The following RBM17 variants were observed in gnomAD, a reference collection of about 807,000 sequenced individuals.
The protein encoded by RBM17 is splicing factor 45.
A neutral mutation model predicts 53.2 loss-of-function variants in RBM17; 7 were observed. That is an observed-to-expected ratio of 0.13 (90% CI 0.07 to 0.25). The LOEUF is 0.25. Ranked by LOEUF, RBM17 falls within the 10% of genes least tolerant of loss-of-function variation. The probability of loss-of-function intolerance (pLI) is 1.00; values close to 1 mark genes in which losing one functional copy is unlikely to be tolerated. For missense variants in RBM17, 257 were observed against 496.7 expected, an observed-to-expected ratio of 0.52 and a Z score of 4.59; for synonymous variants, 167 against 178.1, an observed-to-expected ratio of 0.94 and a Z score of 0.50.
intron 2 of RBM17, among the ~76,000 whole-genome samples, chr10:6,098,505 GAATTAATATT>G (rs1442443461): frequency 2.8e-5 from 4 of 142,558 alleles, no homozygotes; most frequent in Non-Finnish European, 6.0e-5. Context: ...AGAGACTTAA[GAATTAATATT>G]AATCTCTAAT....
At chr10:6,095,482 G>A (rs1840558181) in intron 1 of RBM17, among the ~76,000 whole-genome samples, 1 of 152,130 alleles carries the variant, frequency 6.6e-6, no homozygotes, top group Non-Finnish European at 1.5e-5. Flanking sequence ...CCAAAGTGCT[G>A]GGATTACAGG....
intron 3 of RBM17, 141 bp downstream of exon 3, chr10:6,101,528 T>C: frequency 2.2e-6 from 1 of 445,000 alleles, no homozygotes; most frequent in Non-Finnish European, 4.0e-6. Context: ...TAATTTTTAC[T>C]TCTGTTTTGC....
chr10:6,092,624 A>C (rs1840503723), intron 1 of RBM17, among the ~76,000 whole-genome samples: 1 of 152,156 alleles, frequency 6.6e-6, no homozygotes, highest in Admixed American at 6.5e-5. Context: ...ATAATAATTA[A>C]ACAAAAGCAG....
At chr10:6,100,248 C>T (rs1457008746) in intron 2 of RBM17, among the ~76,000 whole-genome samples, 1 of 152,060 alleles carries the variant, frequency 6.6e-6, no homozygotes, top group African/African-American at 2.4e-5. Flanking sequence ...CTTTAAATTG[C>T]AAAAGAGAAA....
chr10:6,113,783 A>G, intron 9 of RBM17: 2 of 587,570 alleles, frequency 3.4e-6, no homozygotes, highest in Non-Finnish European at 6.0e-6. Flanking sequence ...GACTGCAGTG[A>G]GTAATTAAAT....
At chr10:6,101,182 G>A in intron 2 of RBM17, 89 bp from the exon 3 acceptor site, 2 of 686,656 alleles carry the variant, frequency 2.9e-6, no homozygotes, top group South Asian at 2.3e-5. Flanking sequence ...AAGGTTTGTT[G>A]CAGGGACCAG....
intron 1 of RBM17, among the ~76,000 whole-genome samples, chr10:6,092,355 G>A (rs559240408): frequency 7.9e-5 from 12 of 152,060 alleles, no homozygotes; most frequent in Non-Finnish European, 1.0e-4. Context: ...CAGTAGTTGC[G>A]GTGGGGAGAA....
intron 1 of RBM17, among the ~76,000 whole-genome samples, chr10:6,093,461 C>T (rs1041056235): frequency 3.9e-5 from 6 of 152,142 alleles, no homozygotes; most frequent in Non-Finnish European, 7.3e-5. Flanking sequence ...TCAAGTGATC[C>T]GCCCGCCTCG....
chr10:6,112,412 A>G lies in RBM17; in HGVS notation c.856+51A>G, dbSNP rs1222220096. 16 of 1,601,676 alleles carry G rather than the reference A, an allele frequency of 1.0e-5. No homozygotes were observed. In the Admixed American group the frequency reaches 2.0e-4, roughly 20 times the overall value. The stretch of plus-strand genomic sequence containing the variant: ...TAGAGGGAAAGGACTGGCCCCATCC[A>G]TATCAGACATGGCCAGTCTTGATCC... On this transcript the variant is annotated intron_variant, in intron 8 of 11. Coordinates refer to ENST00000379888, the MANE Select transcript of RBM17 (RefSeq NM_032905.5). This position sits in a 1 kb window ranked among gnomAD's most constrained non-coding sequence, Gnocchi z 4.4.
rs192954794 is a variant in RBM17, at chr10:6,117,085, C to T, written c.*1529C>T. 2.5e-4 allele frequency: 28 copies of T among 112,014 alleles called. No homozygotes were observed. The highest frequency in any genetic ancestry group is 8.2e-4 in the African/African-American group (27 of 32,794). 6.9% of individuals were successfully genotyped at this position (112,014 alleles called of 1,614,324 possible). A position where few individuals can be genotyped will look rare whatever the true frequency, so the allele number is the denominator to read the frequency against. ...AATTTTAGAAACTAATGGTTCCAAC[C>T]CACCTTTCATGCATGCATTTATTGT... On this transcript the variant is annotated 3_prime_UTR_variant, in exon 12 of 12. Transcript: ENST00000379888.
At chr10:6,115,337 GA>G (rs763984415) in intron 11 of RBM17, 26 bp downstream of exon 11, 5 of 1,585,414 alleles carry the variant, frequency 3.2e-6, no homozygotes, top group Non-Finnish European at 4.3e-6. Context: ...AAATATTAAA[GA>G]ATAAAAAAGT....
intron 5 of RBM17, among the ~76,000 whole-genome samples, chr10:6,107,739 C>G (rs143502031): frequency 0.012 from 1,893 of 152,228 alleles, 39 homozygotes; most frequent in East Asian, 0.09. Context: ...GCCTCAGCCT[C>G]TCAAAGTGCT....
chr10:6,097,594 C>T (rs1469952648), intron 2 of RBM17, among the ~76,000 whole-genome samples: 1 of 152,260 alleles, frequency 6.6e-6, no homozygotes, highest in South Asian at 2.1e-4. Flanking sequence ...TGGCGTGAAC[C>T]CGGGAGGCAG....
At chr10:6,103,253 A>G (rs1010670094) in intron 3 of RBM17, among the ~76,000 whole-genome samples, 1 of 152,104 alleles carries the variant, frequency 6.6e-6, no homozygotes, top group African/African-American at 2.4e-5. Context: ...ATGAGGGTGA[A>G]TTTTACCCCA....
intron 7 of RBM17, among the ~76,000 whole-genome samples, chr10:6,111,154 G>C (rs777426147): frequency 6.6e-6 from 1 of 152,162 alleles, no homozygotes; most frequent in Non-Finnish European, 1.5e-5. Context: ...AGTAATGTAG[G>C]TGCAGTTCCA....
chr10:6,101,612 G>C (rs1481935355), intron 3 of RBM17, among the ~76,000 whole-genome samples: 1 of 152,162 alleles, frequency 6.6e-6, no homozygotes, highest in East Asian at 1.9e-4. Flanking sequence ...TACGCAGAAA[G>C]AAAAACAAAT....
intron 6 of RBM17, among the ~76,000 whole-genome samples, chr10:6,109,059 C>G (rs2067567): frequency 7.6e-6 from 1 of 131,228 alleles, no homozygotes; most frequent in Non-Finnish European, 1.8e-5. Context: ...CAGATCGTTA[C>G]AGTTTTTTAA....
intron 1 of RBM17, among the ~76,000 whole-genome samples, chr10:6,094,588 G>C (rs543382759): frequency 6.6e-6 from 1 of 152,354 alleles, no homozygotes; most frequent in South Asian, 2.1e-4. Flanking sequence ...AACTAAGTTA[G>C]ATGAAAGGTG....
At chr10:6,108,647 C>G (rs562242462) in intron 5 of RBM17, 39 bp from the exon 6 acceptor site, 38 of 1,574,488 alleles carry the variant, frequency 2.4e-5, no homozygotes, top group South Asian at 1.6e-4. Context: ...AGTCTGGCAT[C>G]GGAAACCTCC....
Sources: gnomAD v4.1 joint callset for allele counts (sites outside exome capture counted in the v4.1 genomes callset) on GRCh38, gnomAD v4.1.1 for gene constraint, Gnocchi (gnomAD v3.1) non-coding constraint, MANE v1.5 for transcripts, NCBI Gene and HGNC (gene_info 2026-07-23, HGNC 2026-07-21) for gene names.